The following NAA25 variants were observed in gnomAD, a reference collection of about 807,000 sequenced individuals.
NAA25 encodes N-terminal acetyltransferase B complex subunit NAA25.
In NAA25, 30 loss-of-function variants were observed where a neutral mutation model predicts 132.5. The ratio of observed to expected loss-of-function variants is 0.23; its 90% CI spans 0.17 to 0.31. The LOEUF (loss-of-function observed/expected upper bound fraction) is 0.31, where lower values mean the gene tolerates loss of function less well. Ranked by LOEUF, NAA25 falls within the 10% of genes least tolerant of loss-of-function variation. NAA25 has a pLI of 1.00. For missense variants in NAA25, 771 were observed against 1,150.4 expected (o/e 0.67, Z 4.77); for synonymous variants, 359 against 401.9 (o/e 0.89, Z 1.28).
In NAA25 at chr12:112,029,511, T is replaced by G. The variant is rs755822802; in HGVS notation, c.*20A>C. On this transcript the variant is annotated 3_prime_UTR_variant, in exon 24 of 24. Coordinates refer to ENST00000261745, the MANE Select transcript of NAA25 (RefSeq NM_024953.4). ...TCATATTCTGTTGCAGAGTCATCAG[T>G]GCCCATGATAGATACTTCCTTAAAT... is the stretch of plus-strand genomic sequence containing the variant. The G allele has an allele frequency of 3.7e-6, 6 of 1,613,838 alleles. No homozygotes were observed. The highest frequency in any genetic ancestry group is 5.1e-6 in the Non-Finnish European group (6 of 1,179,934).
intron 1 of NAA25, among the ~76,000 whole-genome samples, chr12:112,095,971 G>A (rs575760525): frequency 6.6e-5 from 10 of 152,186 alleles, no homozygotes; most frequent in Non-Finnish European, 1.5e-4. Context: ...AACTATTTAC[G>A]GATTTTAATT....
chr12:112,085,279 C>G (rs2079029535), intron 4 of NAA25, among the ~76,000 whole-genome samples: 1 of 151,916 alleles, frequency 6.6e-6, no homozygotes, highest in Non-Finnish European at 1.5e-5. Flanking sequence ...GCAATCCCAG[C>G]TACTCGGGAG....
At chr12:112,052,998 G>GA (rs1460919702) in intron 15 of NAA25, among the ~76,000 whole-genome samples, 8 of 152,312 alleles carry the variant, frequency 5.3e-5, no homozygotes, top group African/African-American at 1.9e-4. Context: ...TGCTTGCAGT[G>GA]AAAAATATGG....
At chr12:112,054,809 G>T (rs1189130455) in intron 13 of NAA25, among the ~76,000 whole-genome samples, 2 of 152,084 alleles carry the variant, frequency 1.3e-5, no homozygotes, top group Admixed American at 6.5e-5. Context: ...GATTTTAAGT[G>T]GCCAGGTCTT....
intron 23 of NAA25, among the ~76,000 whole-genome samples, 165 bp from the exon 24 acceptor site, chr12:112,029,818 G>A (rs1355419229): frequency 6.6e-6 from 1 of 152,112 alleles, no homozygotes; most frequent in African/African-American, 2.4e-5. Flanking sequence ...GAAGGCAAAA[G>A]GTCATCACGA....
intron 21 of NAA25, 162 bp from the exon 22 acceptor site, chr12:112,039,501 G>C: frequency 1.9e-6 from 1 of 518,910 alleles, no homozygotes; most frequent in Non-Finnish European, 3.4e-6. Context: ...TCACTCTACT[G>C]ATCCAGGCCT....
intron 10 of NAA25, among the ~76,000 whole-genome samples, chr12:112,069,378 C>T (rs1226215008): frequency 3.3e-5 from 5 of 152,100 alleles, no homozygotes; most frequent in Admixed American, 1.3e-4. Flanking sequence ...GCAGCACATG[C>T]TTGTAATCCC....
At chr12:112,078,355 T>C (rs2136902271) in intron 6 of NAA25, 89 bp from the exon 7 acceptor site, 2 of 961,840 alleles carry the variant, frequency 2.1e-6, no homozygotes, top group African/African-American at 1.7e-5. Context: ...AGTTATTTAA[T>C]AGAGCATGTC....
intron 22 of NAA25, 148 bp downstream of exon 22, chr12:112,039,081 G>T: frequency 2.2e-6 from 1 of 462,054 alleles, no homozygotes; most frequent in Non-Finnish European, 3.9e-6. Flanking sequence ...TTACGGGTTT[G>T]CGACGCATTC....
intron 1 of NAA25, among the ~76,000 whole-genome samples, chr12:112,097,606 C>CAAA (rs777633329): frequency 1.9e-5 from 1 of 52,758 alleles, no homozygotes; most frequent in Admixed American, 1.7e-4. Context: ...GACTCCGTCT[C>CAAA]AAAAAAAAAA....
intron 22 of NAA25, chr12:112,034,380 C>A (rs1345317745): frequency 1.3e-5 from 2 of 152,120 alleles, no homozygotes; most frequent in Non-Finnish European, 2.9e-5. Flanking sequence ...AATCCCAGCA[C>A]TTTGGGAGGC....
chr12:112,038,871 C>T (rs184840586), intron 22 of NAA25, among the ~76,000 whole-genome samples: 130 of 152,124 alleles, frequency 8.5e-4, no homozygotes, highest in African/African-American at 3.0e-3. Context: ...CCCAGCTACT[C>T]GGGAAGCTGA....
At chr12:112,052,867 T>C (rs1377639248) in intron 15 of NAA25, among the ~76,000 whole-genome samples, 2 of 152,234 alleles carry the variant, frequency 1.3e-5, no homozygotes, top group Non-Finnish European at 2.9e-5. Flanking sequence ...GTGACCACCC[T>C]GGAGACATTC....
At chr12:112,062,497 G>A (rs929090859) in intron 11 of NAA25, among the ~76,000 whole-genome samples, 3 of 152,042 alleles carry the variant, frequency 2.0e-5, no homozygotes, top group Non-Finnish European at 2.9e-5. Flanking sequence ...GGCCAAGGCG[G>A]GTGGATTGCC....
At chr12:112,101,868 C>CTTT (rs112312296) in intron 1 of NAA25, among the ~76,000 whole-genome samples, 1 of 142,260 alleles carries the variant, frequency 7.0e-6, no homozygotes. Flanking sequence ...ATCTTTTCAA[C>CTTT]TTTTTTTTTT....
At chr12:112,068,280 G>A (rs1251311730) in intron 11 of NAA25, among the ~76,000 whole-genome samples, 3 of 152,296 alleles carry the variant, frequency 2.0e-5, no homozygotes, top group Admixed American at 2.0e-4. Flanking sequence ...AGATGGGAGA[G>A]GGGGAGGTGG....
intron 7 of NAA25, among the ~76,000 whole-genome samples, chr12:112,077,418 A>G (rs2078909328): frequency 6.6e-6 from 1 of 151,536 alleles, no homozygotes; most frequent in Admixed American, 6.6e-5. Context: ...GGTTGCAGTG[A>G]GCCGAGATCG....
At chr12:112,055,840 CAGCAAAA>C (rs2078536202) in intron 13 of NAA25, among the ~76,000 whole-genome samples, 1 of 152,088 alleles carries the variant, frequency 6.6e-6, no homozygotes, top group Non-Finnish European at 1.5e-5. Flanking sequence ...TCAGTAACAA[CAGCAAAA>C]ATGAAAGCAC....
In NAA25 at chr12:112,093,091, T is replaced by A. The variant is rs1241593361; in HGVS notation, c.104A>T (p.Asp35Val). 6.2e-7 allele frequency: 1 copy of A among 1,613,076 alleles called. No homozygotes were observed. The highest frequency in any genetic ancestry group is 1.3e-5 in the African/African-American group (1 of 74,904). ...GNNKMAIQQA[D>V]KLLKKHKDLH... ...ATCCTTATGTTTCTTCAACAGTTTA[T>A]CTGCTTGCTGAATTGCCATTTTATT... The change falls in exon 2 of 24, where the codon GAT (aspartate) becomes GTT (valine). Residue 35 changes from aspartate to valine, a missense_variant. Coordinates refer to ENST00000261745, the MANE Select transcript of NAA25 (RefSeq NM_024953.4).
Sources: allele counts gnomAD v4.1 joint callset (sites outside exome capture counted in the v4.1 genomes callset), GRCh38; gene constraint gnomAD v4.1.1; transcripts MANE v1.5; gene names NCBI Gene and HGNC (gene_info 2026-07-23, HGNC 2026-07-21).